Variants in VWF observed in about 807,000 individuals in gnomAD.
VWF encodes von Willebrand factor.
VWF carries 176 observed loss-of-function variants against 308.6 expected under a neutral mutation model. That is an observed-to-expected ratio of 0.57 (90% CI 0.50 to 0.65). The LOEUF is 0.65. Ranked by LOEUF, VWF falls within the 30% of genes least tolerant of loss-of-function variation. The pLI is 0.00. For synonymous variants in VWF, 1,385 were observed against 1,443.4 expected, an observed-to-expected ratio of 0.96 and a Z score of 0.92; for missense variants, 3,146 against 3,648.2, an observed-to-expected ratio of 0.86 and a Z score of 3.55.
intron 34 of VWF, among the ~76,000 whole-genome samples, chr12:5,998,423 G>A (rs1385881920): frequency 1.2e-4 from 17 of 137,726 alleles, no homozygotes; most frequent in African/African-American, 3.0e-4. Context: ...GCGTGAACTC[G>A]GGAGGCAGAG....
chr12:6,104,872 T>C (rs1001250407), intron 5 of VWF, among the ~76,000 whole-genome samples: 1 of 152,174 alleles, frequency 6.6e-6, no homozygotes, highest in African/African-American at 2.4e-5. Context: ...AACAGATGAT[T>C]AGATGAAGAA....
intron 45 of VWF, among the ~76,000 whole-genome samples, chr12:5,968,958 T>A (rs1943436721): frequency 6.6e-6 from 1 of 152,140 alleles, no homozygotes; most frequent in African/African-American, 2.4e-5. Context: ...GTCACAGCAT[T>A]TCAAAGGTGG....
At chr12:5,973,711 C>CTCTTCT (rs1002914454) in intron 43 of VWF, among the ~76,000 whole-genome samples, 3 of 152,206 alleles carry the variant, frequency 2.0e-5, no homozygotes, top group African/African-American at 7.2e-5. Flanking sequence ...ACAGCCCTCC[C>CTCTTCT]TCTTCTTCTT....
chr12:6,034,038 G>A (rs1014988115), intron 20 of VWF, among the ~76,000 whole-genome samples: 1 of 152,246 alleles, frequency 6.6e-6, no homozygotes, highest in African/African-American at 2.4e-5. Flanking sequence ...GTGGGAGGCA[G>A]AGGGGCTGCT....
Position 6,036,381 on chromosome 12 carries a change from G to A in VWF, c.2546+7C>T. 6.2e-7 allele frequency: 1 copy of A among 1,613,966 alleles called. No individual in the cohort carries two copies. Among genetic ancestry groups the A allele is most frequent in the Non-Finnish European group, 8.5e-7 (1 of 1,179,838 alleles). ...GGTCCCCGGCGCAGCCCCTCACTGA[G>A]CCTCACCAAGTGTTGCAGCCAATCT... On this transcript the variant is annotated splice_region_variant and intron_variant, in intron 19 of 51. Transcript: ENST00000261405.
At chr12:5,967,220 T>C (rs1943412976) in intron 47 of VWF, among the ~76,000 whole-genome samples, 1 of 152,224 alleles carries the variant, frequency 6.6e-6, no homozygotes. Flanking sequence ...ATTGTAAACA[T>C]AGTATCATAA....
intron 15 of VWF, among the ~76,000 whole-genome samples, chr12:6,054,702 G>C (rs956476879): frequency 1.3e-5 from 2 of 152,184 alleles, no homozygotes; most frequent in Non-Finnish European, 2.9e-5. Flanking sequence ...AAAAATGTGT[G>C]TGCTTCTCAT....
At chr12:6,045,422 C>T (rs1397080732) in intron 17 of VWF, among the ~76,000 whole-genome samples, 1 of 152,206 alleles carries the variant, frequency 6.6e-6, no homozygotes, top group African/African-American at 2.4e-5. Flanking sequence ...TTACATTTTC[C>T]AGTGACCAGA....
chr12:6,071,434 C>G, intron 9 of VWF, 91 bp from the exon 10 acceptor site: 2 of 1,433,110 alleles, frequency 1.4e-6, no homozygotes, highest in Non-Finnish European at 2.0e-6. Flanking sequence ...TATCACAGTC[C>G]CCAAACGAAG....
chr12:5,982,040 G>A (rs746635097), intron 41 of VWF, 49 bp from the exon 42 acceptor site: 21 of 1,575,070 alleles, frequency 1.3e-5, no homozygotes, highest in East Asian at 4.5e-5. Flanking sequence ...GCCAGGGCTC[G>A]TAAGTATTCA....
rs766196674 is a variant in VWF, at chr12:5,983,268, A to G, written c.6977-14T>C. On this transcript the variant is annotated splice_polypyrimidine_tract_variant and intron_variant, in intron 40 of 51. Transcript: ENST00000261405. ...CTGGGTCACACACTGAGGGCCAGAA[A>G]GAGAGACGTCCATGCAGAGTTCAGA... is the stretch of plus-strand genomic sequence containing the variant. 1 of 1,613,280 alleles carries G rather than the reference A, an allele frequency of 6.2e-7. No homozygotes were observed. The highest frequency in any genetic ancestry group is 1.1e-5 in the South Asian group (1 of 90,936).
Position 6,065,135 on chromosome 12 carries a change from AC to A in VWF, c.1293+1del. On this transcript the variant is annotated splice_donor_variant, in intron 11 of 51. Transcript: ENST00000261405. LOFTEE classifies it high-confidence loss of function. ...ACCAGCAGCCGGGCTGGCAAAGCTC[AC>A]CTGGACAGTCTCAATGACAATGGAG... The A allele has an allele frequency of 6.2e-7, 1 of 1,614,162 alleles. No individual in the cohort carries two copies. Among genetic ancestry groups the A allele is most frequent in the Non-Finnish European group, 8.5e-7 (1 of 1,180,022 alleles).
At chr12:5,964,628 A>G (rs920349622) in intron 47 of VWF, among the ~76,000 whole-genome samples, 1 of 152,088 alleles carries the variant, frequency 6.6e-6, no homozygotes, top group African/African-American at 2.4e-5. Context: ...CCCAAGGTCA[A>G]GGTTAGGAGT....
intron 14 of VWF, among the ~76,000 whole-genome samples, chr12:6,057,480 T>TTTATTTATTA (rs113015394): frequency 0.033 from 4,235 of 129,502 alleles, 94 homozygotes; most frequent in Non-Finnish European, 0.051. Flanking sequence ...GCCCGGCAAA[T>TTTATTTATTA]TTATTATTAT....
intron 29 of VWF, 36 bp downstream of exon 29, chr12:6,016,718 T>A: frequency 1.2e-6 from 2 of 1,614,262 alleles, no homozygotes; most frequent in Non-Finnish European, 1.7e-6. Flanking sequence ...AAGAGCCTCT[T>A]CGTCACCTGC....
In VWF at chr12:6,063,759, A is replaced by G. The variant is rs1944682247; in HGVS notation, c.1432+487T>C. On this transcript the variant is annotated intron_variant, in intron 12 of 51. Transcript: ENST00000261405. The surrounding 1 kb of genome is among the most constrained non-coding windows in gnomAD (Gnocchi z 4.9). ...TGCTTTGACCGGCACAGTGCAACCC[A>G]GGTGAAGATACTGGACAGGTAGGTT... 6.6e-6 allele frequency among the ~76,000 whole-genome samples: 1 copy of G among 152,174 alleles called. No homozygotes were observed. The highest frequency in any genetic ancestry group is 2.1e-4 in the South Asian group (1 of 4,830).
intron 49 of VWF, 48 bp downstream of exon 49, chr12:5,952,343 G>A (rs200629790): frequency 7.4e-6 from 12 of 1,611,906 alleles, no homozygotes; most frequent in South Asian, 5.5e-5. Context: ...GAAGAATCTT[G>A]TTCTTAGAGA....
Position 5,994,273 on chromosome 12 carries a change from A to G in VWF, c.6257-70T>C, listed in dbSNP as rs1943782023. Reference sequence around the variant, plus strand: ...GGGTACAAAAACATTGATGCCAGAGACAGGCCATTCTTGATCCTCACCAGA... The same window carrying G: ...GGGTACAAAAACATTGATGCCAGAGGCAGGCCATTCTTGATCCTCACCAGA... On this transcript the variant is annotated intron_variant, in intron 36 of 51. Coordinates refer to ENST00000261405, the MANE Select transcript of VWF (RefSeq NM_000552.5). 5.6e-6 allele frequency: 9 copies of G among 1,599,288 alleles called. No homozygotes were observed. In the East Asian group the frequency reaches 2.0e-4, roughly 36 times the overall value.
chr12:6,092,726 C>A (rs1334607073), intron 6 of VWF, among the ~76,000 whole-genome samples: 2 of 150,656 alleles, frequency 1.3e-5, no homozygotes, highest in Admixed American at 6.6e-5. Flanking sequence ...ATGGTTCTGG[C>A]TGATTTACAG....
Sources: gnomAD v4.1 joint callset for allele counts (sites outside exome capture counted in the v4.1 genomes callset) on GRCh38, gnomAD v4.1.1 for gene constraint, Gnocchi (gnomAD v3.1) non-coding constraint, MANE v1.5 for transcripts, NCBI Gene and HGNC (gene_info 2026-07-23, HGNC 2026-07-21) for gene names.